Variants in TMEM52 observed in about 807,000 individuals in gnomAD.
TMEM52 encodes transmembrane protein 52.
TMEM52 carries 14 observed loss-of-function variants against 16.2 expected under a neutral mutation model. The ratio of observed to expected loss-of-function variants is 0.87; its 90% CI spans 0.57 to 1.35. The LOEUF (loss-of-function observed/expected upper bound fraction) is 1.35, where lower values mean the gene tolerates loss of function less well. Among genes scored for constraint, TMEM52 ranks in the 40% most tolerant of loss-of-function variants. The pLI is 0.00. For missense variants in TMEM52, 309 were observed against 278.6 expected, an observed-to-expected ratio of 1.11 and a Z score of -0.78; for synonymous variants, 136 against 124.7, an observed-to-expected ratio of 1.09 and a Z score of -0.60.
chr1:1,918,541 G>C, intron 3 of TMEM52, 110 bp from the exon 4 acceptor site: 1 of 1,002,932 alleles, frequency 1.0e-6, no homozygotes, highest in Non-Finnish European at 1.5e-6. Context: ...ATAAAAAGCA[G>C]ACAATGTCTC....
Position 1,917,720 on chromosome 1 carries a change from G to A in TMEM52, c.*162C>T, listed in dbSNP as rs1029145462. ...AGGGCCTGCTGGGGCTGGGCCAGGG[G>A]CTGAGGCTGAAAGCAGCAGCCTGCC... On this transcript the variant is annotated 3_prime_UTR_variant, in exon 5 of 5. Transcript: ENST00000310991. 1.2e-5 allele frequency: 10 copies of A among 839,578 alleles called. No homozygotes were observed. Among genetic ancestry groups the A allele is most frequent in the Non-Finnish European group, 1.3e-5 (7 of 538,546 alleles). The allele number at this position is 839,578 out of a possible 1,614,324, so 52.0% of individuals were successfully genotyped here.
Position 1,919,084 on chromosome 1 carries a change from G to T in TMEM52, c.89C>A (p.Ala30Glu). ...LLPLLPLPQV[A>E]LGFADGSCDP... ...GCAGCTGCCGTCCGCGAAGCCCAGC[G>T]CCACCTGTGGGGACAAGGGTGAGCC... The change falls in exon 2 of 5, where the codon GCG (alanine) becomes GAG (glutamate). Residue 30 changes from alanine (A) to glutamate (E), a missense_variant. Physicochemically the swap from Ala to Glu is moderately radical, Grantham distance 107. Transcript: ENST00000310991. 1 of 1,343,680 alleles carries T rather than the reference G, an allele frequency of 7.4e-7. No individual in the cohort carries two copies. The highest frequency in any genetic ancestry group is 9.5e-7 in the Non-Finnish European group (1 of 1,051,734). The allele number at this position is 1,343,680 out of a possible 1,614,324, so 83.2% of individuals were successfully genotyped here.
intron 3 of TMEM52, 105 bp from the exon 4 acceptor site, chr1:1,918,536 A>G (rs1279152445): frequency 9.7e-7 from 1 of 1,033,444 alleles, no homozygotes; most frequent in South Asian, 1.4e-5. Flanking sequence ...ACAGGATAAA[A>G]AGCAGACAAT....
In TMEM52 at chr1:1,919,212, CAGGAGCG is replaced by C; in HGVS notation, c.47_53del (p.Pro16ArgfsTer98). On this transcript the variant is annotated frameshift_variant, in exon 1 of 5. Transcript: ENST00000310991. LOFTEE classifies it high-confidence loss of function. ...GCAGCGGCAGGAGCGGCAGGAGCGG[CAGGAGCG>C]GCAGCAGCAGCCGCAGTCCGCGGGC... 7.3e-7 allele frequency: 1 copy of C among 1,367,162 alleles called. No homozygotes were observed. The highest frequency in any genetic ancestry group is 9.4e-7 in the Non-Finnish European group (1 of 1,068,044). 84.7% of individuals were successfully genotyped at this position (1,367,162 alleles called of 1,614,324 possible).
In TMEM52 at chr1:1,919,274, G is replaced by C. The variant is rs1403084923; in HGVS notation, c.-9C>G. ...AGCGGCCCCCGGGCCATGCTCTGAG[G>C]AGGTTGGAGCAAAGCCCGGCGGCGC... On this transcript the variant is annotated 5_prime_UTR_variant, in exon 1 of 5. Coordinates refer to ENST00000310991, the MANE Select transcript of TMEM52 (RefSeq NM_178545.4). 1.4e-6 allele frequency: 2 copies of C among 1,381,912 alleles called. No homozygotes were observed. The highest frequency in any genetic ancestry group is 1.9e-6 in the Non-Finnish European group (2 of 1,077,968). 85.6% of individuals were successfully genotyped at this position (1,381,912 alleles called of 1,614,324 possible). A position where few individuals can be genotyped will look rare whatever the true frequency, so the allele number is the denominator to read the frequency against.
rs770958218 is a variant in TMEM52, at chr1:1,919,038, G to A, written c.128+7C>T. On this transcript the variant is annotated splice_region_variant and intron_variant, in intron 2 of 4. Coordinates refer to ENST00000310991, the MANE Select transcript of TMEM52 (RefSeq NM_178545.4). ...GCCAGGCCCCGGCTCCCTCCCCCCC[G>A]ACTTACTGGTCCGAGGGGTCGCAGC... The A allele has an allele frequency of 3.0e-6, 4 of 1,337,986 alleles. No individual in the cohort carries two copies. Among genetic ancestry groups the A allele is most frequent in the Admixed American group, 4.0e-5 (1 of 24,768 alleles). 82.9% of individuals were successfully genotyped at this position (1,337,986 alleles called of 1,614,324 possible).
Position 1,917,816 on chromosome 1 carries a change from GGGTGGGCT to G in TMEM52, c.*58_*65del. 6.5e-7 allele frequency: 1 copy of G among 1,533,386 alleles called. No individual in the cohort carries two copies. Among genetic ancestry groups the G allele is most frequent in the Non-Finnish European group, 8.9e-7 (1 of 1,124,072 alleles). The allele number at this position is 1,533,386 out of a possible 1,614,324, so 95.0% of individuals were successfully genotyped here. A position where few individuals can be genotyped will look rare whatever the true frequency, so the allele number is the denominator to read the frequency against. ...GGCCACAGCAATGTGTGGGACGGTG[GGGTGGGCT>G]GGGGCCCTTGGCTCCAAGCATTAGT... On this transcript the variant is annotated 3_prime_UTR_variant, in exon 5 of 5. Transcript: ENST00000310991.
rs968001466 is a variant in TMEM52 at position 1,918,351 on chromosome 1, T to G, written c.251A>C (p.Gln84Pro). 6.2e-7 allele frequency: 1 copy of G among 1,612,736 alleles called. No individual in the cohort carries two copies. Among genetic ancestry groups the G allele is most frequent in the Non-Finnish European group, 8.5e-7 (1 of 1,179,962 alleles). Residue 84 changes from glutamine (Q) to proline (P), a missense_variant, in exon 4 of 5, where the codon CAG (glutamine) becomes CCG (proline). Transcript: ENST00000310991. Reference protein sequence around the residue: ...GCVRFCCLRKQAQAQPHLPPA... With the variant: ...GCVRFCCLRKPAQAQPHLPPA... The stretch of plus-strand genomic sequence containing the variant: ...TGGCAGATGTGGCTGGGCCTGTGCC[T>G]GCTTCCGGAGGCAGCAGAACCGGAC...
chr1:1,919,165 A>G lies in TMEM52; in HGVS notation c.84+17T>C. 7.3e-7 allele frequency: 1 copy of G among 1,367,968 alleles called. No individual in the cohort carries two copies. The highest frequency in any genetic ancestry group is 9.4e-7 in the Non-Finnish European group (1 of 1,067,202). The allele number at this position is 1,367,968 out of a possible 1,614,324, so 84.7% of individuals were successfully genotyped here. A position where few individuals can be genotyped will look rare whatever the true frequency, so the allele number is the denominator to read the frequency against. Reference sequence around the variant, plus strand: ...CCCCGCGGTGGCCGAACCGAGAGAGAACGCCGCCCGACCCACCTGCGGCAG... The same window carrying G: ...CCCCGCGGTGGCCGAACCGAGAGAGGACGCCGCCCGACCCACCTGCGGCAG... On this transcript the variant is annotated intron_variant, in intron 1 of 4. Coordinates refer to ENST00000310991, the MANE Select transcript of TMEM52 (RefSeq NM_178545.4).
chr1:1,918,470 C>G (rs758616460), intron 3 of TMEM52, 39 bp from the exon 4 acceptor site: 69 of 1,543,620 alleles, frequency 4.5e-5, no homozygotes, highest in Middle Eastern at 1.7e-4. Flanking sequence ...TGACCCTCGG[C>G]CACCGGGCAC....
chr1:1,919,057 T>C lies in TMEM52; in HGVS notation c.116A>G (p.Asp39Gly). 1 of 1,323,218 alleles carries C rather than the reference T, an allele frequency of 7.6e-7. No homozygotes were observed. Among genetic ancestry groups the C allele is most frequent in the Non-Finnish European group, 9.6e-7 (1 of 1,040,798 alleles). 82.0% of individuals were successfully genotyped at this position (1,323,218 alleles called of 1,614,324 possible). A position where few individuals can be genotyped will look rare whatever the true frequency, so the allele number is the denominator to read the frequency against. Residue 39 changes from aspartate to glycine, a missense_variant, in exon 2 of 5, where the codon GAC becomes GGC. Physicochemically the swap from Asp to Gly is moderately conservative, Grantham distance 94. Coordinates refer to ENST00000310991, the MANE Select transcript of TMEM52 (RefSeq NM_178545.4). ...VALGFADGSC[D>G]PSDQCPPQAR... is the part of the protein sequence containing the mutation. ...CCCCCCGACTTACTGGTCCGAGGGG[T>C]CGCAGCTGCCGTCCGCGAAGCCCAG... is the stretch of plus-strand genomic sequence containing the variant.
intron 3 of TMEM52, 94 bp downstream of exon 3, chr1:1,918,799 G>A: frequency 7.2e-7 from 1 of 1,395,456 alleles, no homozygotes; most frequent in South Asian, 1.4e-5. Context: ...GACAGCGGAG[G>A]CGGCCTGGTG....
rs1421952089 is a variant in TMEM52, at chr1:1,919,072, G to A, written c.101C>T (p.Ala34Val). The A allele has an allele frequency of 1.5e-6, 2 of 1,339,444 alleles. No homozygotes were observed. Among genetic ancestry groups the A allele is most frequent in the South Asian group, 1.9e-5 (1 of 51,298 alleles). 83.0% of individuals were successfully genotyped at this position (1,339,444 alleles called of 1,614,324 possible). A position where few individuals can be genotyped will look rare whatever the true frequency, so the allele number is the denominator to read the frequency against. Residue 34 changes from alanine to valine, a missense_variant, in exon 2 of 5, where the codon GCG (alanine) becomes GTG (valine). Ala to Val is a moderately conservative substitution (Grantham distance 64). Coordinates refer to ENST00000310991, the MANE Select transcript of TMEM52 (RefSeq NM_178545.4). Reference sequence around the variant, plus strand: ...GTCCGAGGGGTCGCAGCTGCCGTCCGCGAAGCCCAGCGCCACCTGTGGGGA... The same window carrying A: ...GTCCGAGGGGTCGCAGCTGCCGTCCACGAAGCCCAGCGCCACCTGTGGGGA... ...LPLPQVALGF[A>V]DGSCDPSDQC...
At chr1:1,918,821 T>C in intron 3 of TMEM52, 72 bp downstream of exon 3, 3 of 1,468,934 alleles carry the variant, frequency 2.0e-6, no homozygotes, top group Non-Finnish European at 1.8e-6. Flanking sequence ...GGTAAGGGCC[T>C]GGCGGGCCTG....
In TMEM52 at chr1:1,918,063, G is replaced by C. The variant is rs368603461; in HGVS notation, c.449C>G (p.Thr150Ser). ...ATCGTAGGAGGGTGGAGGCTCCGGG[G>C]TGTACAGGCTGTAGGCAGGAGGAGC... ...SMAPPAYSLYTPEPPPSYDEA... is the reference protein window; with the variant it reads ...SMAPPAYSLYSPEPPPSYDEA... Residue 150 changes from threonine to serine, a missense_variant, in exon 5 of 5, where the codon ACC becomes AGC. By Grantham distance (58) the Thr-to-Ser change is moderately conservative. Transcript: ENST00000310991. 9.9e-6 allele frequency: 16 copies of C among 1,613,620 alleles called. No individual in the cohort carries two copies. Among genetic ancestry groups the C allele is most frequent in the African/African-American group, 6.7e-5 (5 of 74,906 alleles).
At position 1,919,253 on chromosome 1, in the gene TMEM52, G is replaced by GC; in HGVS notation, c.12dup (p.Pro5AlafsTer104). On this transcript the variant is annotated frameshift_variant, in exon 1 of 5. Coordinates refer to ENST00000310991, the MANE Select transcript of TMEM52 (RefSeq NM_178545.4). LOFTEE classifies it high-confidence loss of function. ...AGCCGCAGTCCGCGGGCGGCCAGCG[G>GC]CCCCCGGGCCATGCTCTGAGGAGGT... The GC allele has an allele frequency of 7.3e-7, 1 of 1,366,794 alleles. No homozygotes were observed. Among genetic ancestry groups the GC allele is most frequent in the Non-Finnish European group, 9.4e-7 (1 of 1,068,552 alleles). The allele number at this position is 1,366,794 out of a possible 1,614,324, so 84.7% of individuals were successfully genotyped here.
At position 1,917,622 on chromosome 1, in the gene TMEM52, A is replaced by G; in HGVS notation, c.*260T>C. The G allele has an allele frequency of 1.7e-6, 1 of 577,818 alleles. No individual in the cohort carries two copies. Among genetic ancestry groups the G allele is most frequent in the East Asian group, 2.8e-5 (1 of 35,140 alleles). The allele number at this position is 577,818 out of a possible 1,614,324, so 35.8% of individuals were successfully genotyped here. A position where few individuals can be genotyped will look rare whatever the true frequency, so the allele number is the denominator to read the frequency against. On this transcript the variant is annotated 3_prime_UTR_variant, in exon 5 of 5. Coordinates refer to ENST00000310991, the MANE Select transcript of TMEM52 (RefSeq NM_178545.4). ...AAATACAAACTTTATTCTCTCTCCA[A>G]GAAGATGCAGACGTCACAGGTGGCC...
chr1:1,918,728 G>A, intron 3 of TMEM52, 165 bp downstream of exon 3: 2 of 805,062 alleles, frequency 2.5e-6, no homozygotes, highest in Non-Finnish European at 3.9e-6. Flanking sequence ...CCAGGCGGGA[G>A]AGGTGGGAGG....
Position 1,918,920 on chromosome 1 carries a change from G to A in TMEM52, c.143C>T (p.Ala48Val), listed in dbSNP as rs772799278. The A allele has an allele frequency of 2.9e-5, 41 of 1,391,398 alleles. No individual in the cohort carries two copies. The highest frequency in any genetic ancestry group is 8.3e-6 in the Non-Finnish European group (9 of 1,083,792). 86.2% of individuals were successfully genotyped at this position (1,391,398 alleles called of 1,614,324 possible). The change falls in exon 3 of 5, where the codon GCC becomes GTC. Residue 48 changes from alanine to valine, a missense_variant. Transcript: ENST00000310991. ...CDPSDQCPPQ[A>V]RWSSLWHVGL... ...CACGTGCCACAGGCTGCTCCAGCGGGCCTGGGGCGGGCACCTGTGGGGACG... is the reference window on the plus strand; with the variant it reads ...CACGTGCCACAGGCTGCTCCAGCGGACCTGGGGCGGGCACCTGTGGGGACG...
Sources: gnomAD v4.1 joint callset for allele counts on GRCh38, gnomAD v4.1.1 for gene constraint, MANE v1.5 for transcripts, NCBI Gene and HGNC (gene_info 2026-07-23, HGNC 2026-07-21) for gene names.